RFT1: variants seen among roughly 807,000 people sequenced by gnomAD.
RFT1 encodes the protein man(5)GlcNAc(2)-PP-dolichol translocation protein RFT1.
A neutral mutation model predicts 62.2 loss-of-function variants in RFT1; 43 were observed. That is an observed-to-expected ratio of 0.69 (90% CI 0.54 to 0.89). The LOEUF (loss-of-function observed/expected upper bound fraction) is 0.89, where lower values mean the gene tolerates loss of function less well. Among genes scored for constraint, RFT1 ranks in the 40% least tolerant of loss-of-function variants. RFT1 has a pLI of 0.00. For missense variants in RFT1, 605 were observed against 649.9 expected, an observed-to-expected ratio of 0.93 and a Z score of 0.75; for synonymous variants, 262 against 264.6, an observed-to-expected ratio of 0.99 and a Z score of 0.10.
intron 11 of RFT1, among the ~76,000 whole-genome samples, chr3:53,098,532 G>A (rs543443364): frequency 2.6e-4 from 40 of 152,256 alleles, no homozygotes; most frequent in African/African-American, 9.4e-4. Flanking sequence ...GCTGGGCACG[G>A]TGGCTCATGC....
Position 53,123,762 on chromosome 3 carries a change from C to T in RFT1, c.228G>A (p.Gln76=). ...GGTTGAGGGTCTGGCTCCAGTCTCGCTGGGTGCCCCCACTGAGACATGCTC... is the reference window on the plus strand; with the variant it reads ...GGTTGAGGGTCTGGCTCCAGTCTCGTTGGGTGCCCCCACTGAGACATGCTC... ...FRRACLSGGT[Q]RDWSQTLNLL... Residue 76 remains glutamine, a synonymous_variant, in exon 3 of 13, where the codon CAG becomes CAA. Transcript: ENST00000296292. 2.5e-6 allele frequency: 4 copies of T among 1,614,184 alleles called. No homozygotes were observed. The highest frequency in any genetic ancestry group is 3.4e-6 in the Non-Finnish European group (4 of 1,179,992).
At chr3:53,087,064 C>T, downstream of RFT1, among the ~76,000 whole-genome samples, 1 of 152,112 alleles carries the variant, frequency 6.6e-6, no homozygotes, top group Admixed American at 6.5e-5. Flanking sequence ...ATGGTGAAAC[C>T]CCCTCCCTAC....
At chr3:53,085,410 G>A (rs1156365305), downstream of RFT1, among the ~76,000 whole-genome samples, 1 of 151,996 alleles carries the variant, frequency 6.6e-6, no homozygotes, top group Non-Finnish European at 1.5e-5. Flanking sequence ...CACAGGTGGA[G>A]CACCCAGGGC....
intron 7 of RFT1, among the ~76,000 whole-genome samples, chr3:53,107,596 T>G (rs1360277948): frequency 6.6e-6 from 1 of 151,382 alleles, no homozygotes. Flanking sequence ...TCCTCAGGGG[T>G]GGAGACAGCT....
At chr3:53,108,849 A>G (rs1188554444) in intron 7 of RFT1, among the ~76,000 whole-genome samples, 1 of 150,994 alleles carries the variant, frequency 6.6e-6, no homozygotes, top group Non-Finnish European at 1.5e-5. Context: ...TTGTATTTTT[A>G]GTAGAGATGG....
chr3:53,108,624 C>T (rs1247563173), intron 7 of RFT1, among the ~76,000 whole-genome samples: 1 of 151,466 alleles, frequency 6.6e-6, no homozygotes, highest in East Asian at 1.9e-4. Flanking sequence ...GCACTCCTGA[C>T]CTCCCACCTC....
At chr3:53,124,955 G>A (rs1036684644) in intron 2 of RFT1, among the ~76,000 whole-genome samples, 1 of 152,150 alleles carries the variant, frequency 6.6e-6, no homozygotes, top group African/African-American at 2.4e-5. Flanking sequence ...CTGGGTGATA[G>A]GGCAAAAGCC....
At chr3:53,070,393 G>GGTTTTTT in the RFT1 span, among the ~76,000 whole-genome samples, 29 of 85,446 alleles carry the variant, frequency 3.4e-4, 4 homozygotes, top group Non-Finnish European at 4.1e-4. Flanking sequence ...CTGTATTATG[G>GGTTTTTT]TTTTTTTTTT....
chr3:53,124,691 C>T (rs557886494), intron 2 of RFT1, among the ~76,000 whole-genome samples: 183 of 152,236 alleles, frequency 1.2e-3, no homozygotes, highest in Non-Finnish European at 2.1e-3. Context: ...GGCCAAGTGC[C>T]TATATTTCTC....
chr3:53,080,732 G>A, the RFT1 span, among the ~76,000 whole-genome samples: 4 of 152,224 alleles, frequency 2.6e-5, no homozygotes, highest in African/African-American at 9.6e-5. Flanking sequence ...TGAGGCAAGT[G>A]CTATTGTGCC....
At chr3:53,081,979 T>C in the RFT1 span, among the ~76,000 whole-genome samples, 1 of 152,210 alleles carries the variant, frequency 6.6e-6, no homozygotes, top group African/African-American at 2.4e-5. Context: ...AGTCTCACTC[T>C]GTCACCCAGG....
chr3:53,103,949 G>C lies in RFT1; in HGVS notation c.1102+4C>G. 1 of 1,614,162 alleles carries C rather than the reference G, an allele frequency of 6.2e-7. No individual in the cohort carries two copies. Among genetic ancestry groups the C allele is most frequent in the South Asian group, 1.1e-5 (1 of 91,080 alleles). On this transcript the variant is annotated splice_donor_region_variant and intron_variant, in intron 10 of 12. Transcript: ENST00000296292. Reference sequence around the variant, plus strand: ...AAAAAATCCAGAAAAACTCTTGTGCGTACCGGATCCTGAGCTAAGCATGGT... The same window carrying C: ...AAAAAATCCAGAAAAACTCTTGTGCCTACCGGATCCTGAGCTAAGCATGGT...
At position 53,092,351 on chromosome 3, in the gene RFT1, T is replaced by C; in HGVS notation, c.1458+18A>G. On this transcript the variant is annotated intron_variant, in intron 12 of 12. Coordinates refer to ENST00000296292, the MANE Select transcript of RFT1 (RefSeq NM_052859.4). Reference sequence around the variant, plus strand: ...GCAGCTGCAGAAGCATGTGGCATGATGGCTCAGGGAGTCTCACCTCCGAAA... The same window carrying C: ...GCAGCTGCAGAAGCATGTGGCATGACGGCTCAGGGAGTCTCACCTCCGAAA... 6.3e-7 allele frequency: 1 copy of C among 1,591,102 alleles called. No homozygotes were observed. The highest frequency in any genetic ancestry group is 8.6e-7 in the Non-Finnish European group (1 of 1,169,356).
intron 10 of RFT1, among the ~76,000 whole-genome samples, chr3:53,100,902 T>C (rs1056875833): frequency 6.6e-6 from 1 of 152,098 alleles, no homozygotes; most frequent in Admixed American, 6.6e-5. Flanking sequence ...TACCAAACTG[T>C]ACTCTTAAGA....
At chr3:53,086,255 T>G (rs1341427724), downstream of RFT1, among the ~76,000 whole-genome samples, 4 of 152,216 alleles carry the variant, frequency 2.6e-5, no homozygotes, top group Admixed American at 2.6e-4. Context: ...TCCTGGACAC[T>G]CATGGAATAT....
chr3:53,130,374 G>T lies in RFT1; in HGVS notation c.27C>A (p.His9Gln), dbSNP rs1158747751. The change falls in exon 1 of 13, where the codon CAC (histidine) becomes CAA (glutamine). Residue 9 changes from histidine (H) to glutamine (Q), a missense_variant. Transcript: ENST00000296292. MGSQEVLG[H>Q]AARLASSGLL... ...GACCGGAGGAGGCCAGCCGGGCCGC[G>T]TGGCCCAGCACCTCCTGGCTGCCCA... 5.1e-6 allele frequency: 8 copies of T among 1,563,466 alleles called. No individual in the cohort carries two copies. Among genetic ancestry groups the T allele is most frequent in the African/African-American group, 1.4e-5 (1 of 73,636 alleles).
chr3:53,082,798 T>C, the RFT1 span, among the ~76,000 whole-genome samples: 1 of 152,050 alleles, frequency 6.6e-6, no homozygotes, highest in Non-Finnish European at 1.5e-5. Flanking sequence ...AGAAGGGCAG[T>C]TGGGTGGGGG....
downstream of RFT1, among the ~76,000 whole-genome samples, chr3:53,086,591 C>T (rs1359675103): frequency 2.0e-5 from 3 of 152,172 alleles, no homozygotes; most frequent in African/African-American, 7.2e-5. Flanking sequence ...GCTGGGATTA[C>T]AGGCGGGAGC....
At chr3:53,120,912 T>A (rs1276770224) in intron 5 of RFT1, among the ~76,000 whole-genome samples, 1 of 152,200 alleles carries the variant, frequency 6.6e-6, no homozygotes, top group African/African-American at 2.4e-5. Context: ...TTCTTCATGC[T>A]CCAAGCCCTT....
Sources: allele counts gnomAD v4.1 joint callset (sites outside exome capture counted in the v4.1 genomes callset), GRCh38; gene constraint gnomAD v4.1.1; transcripts MANE v1.5; gene names NCBI Gene and HGNC (gene_info 2026-07-23, HGNC 2026-07-21).